Variants in PDE12 observed in about 807,000 individuals in gnomAD.
PDE12 encodes 2',5'-phosphodiesterase 12.
Under a neutral mutation model 45.4 loss-of-function variants are expected in PDE12, and 26 were observed. That is an observed-to-expected ratio of 0.57 (90% CI 0.42 to 0.79). The LOEUF (loss-of-function observed/expected upper bound fraction) is 0.79, where lower values mean the gene tolerates loss of function less well. Among genes scored for constraint, PDE12 ranks in the 30% least tolerant of loss-of-function variants. PDE12 has a pLI of 0.00. For synonymous variants in PDE12, 283 were observed against 323.9 expected (o/e 0.87, Z 1.36); for missense variants, 668 against 790.0 (o/e 0.85, Z 1.85).
At chr3:57,559,420 A>C (rs1167388115) in intron 2 of PDE12, 32 bp downstream of exon 2, 1 of 1,570,648 alleles carries the variant, frequency 6.4e-7, no homozygotes, top group South Asian at 1.1e-5. Context: ...AAGTGACTTA[A>C]ACACGCTTAA....
chr3:57,634,357 C>T, the PDE12 span, among the ~76,000 whole-genome samples: 2 of 150,098 alleles, frequency 1.3e-5, no homozygotes, highest in Admixed American at 6.7e-5. Flanking sequence ...CACTTGAACC[C>T]GGGAGGTGGA....
chr3:57,584,380 T>C, the PDE12 span: 1 of 1,598,526 alleles, frequency 6.3e-7, no homozygotes, highest in Non-Finnish European at 8.6e-7. Context: ...GTAAACTTTC[T>C]TACCAATGGT....
chr3:57,608,222 G>C, the PDE12 span, among the ~76,000 whole-genome samples: 2 of 152,034 alleles, frequency 1.3e-5, no homozygotes, highest in Non-Finnish European at 2.9e-5. Context: ...TGCCCTACAA[G>C]AGCTCCTGAA....
the PDE12 span, among the ~76,000 whole-genome samples, chr3:57,573,733 C>T: frequency 2.5e-3 from 386 of 151,988 alleles, 5 homozygotes; most frequent in African/African-American, 8.8e-3. Flanking sequence ...ACACATGCAC[C>T]ACCACGACCA....
the PDE12 span, among the ~76,000 whole-genome samples, chr3:57,609,983 C>T: frequency 2.0e-5 from 3 of 152,122 alleles, no homozygotes; most frequent in African/African-American, 7.2e-5. Context: ...CAAAAATTCT[C>T]AATAAAATAC....
At chr3:57,639,744 C>T in the PDE12 span, among the ~76,000 whole-genome samples, 1 of 152,030 alleles carries the variant, frequency 6.6e-6, no homozygotes, top group Non-Finnish European at 1.5e-5. Flanking sequence ...TATTAGCACA[C>T]AGTTCTGATT....
Position 57,557,743 on chromosome 3 carries a change from G to A in PDE12, c.1308+56G>A. 5 of 1,492,386 alleles carry A rather than the reference G, an allele frequency of 3.4e-6. 1 individual carries two copies. In the South Asian group the frequency reaches 6.0e-5, roughly 18 times the overall value. The allele number at this position is 1,492,386 out of a possible 1,614,324, so 92.4% of individuals were successfully genotyped here. ...CTGTCCCACTTTTAGGGGCCAGGAA[G>A]GCGAGGAATGAGGTGGGGGTTAAAA... On this transcript the variant is annotated intron_variant, in intron 1 of 2. Transcript: ENST00000311180.
chr3:57,599,097 T>C, the PDE12 span, among the ~76,000 whole-genome samples: 2 of 152,048 alleles, frequency 1.3e-5, no homozygotes, highest in African/African-American at 4.8e-5. Context: ...TAGGGAGAAA[T>C]GAGACATCAA....
At chr3:57,628,419 AC>A in the PDE12 span, 1 of 1,522,104 alleles carries the variant, frequency 6.6e-7, no homozygotes, top group South Asian at 1.3e-5. Context: ...CTCTAAATAA[AC>A]CATTTTAAAG....
chr3:57,577,730 A>G, the PDE12 span, among the ~76,000 whole-genome samples: 1 of 152,166 alleles, frequency 6.6e-6, no homozygotes, highest in South Asian at 2.1e-4. Context: ...AAGAAAAATA[A>G]CAAATCAAGG....
chr3:57,631,308 C>T, the PDE12 span: 2,067 of 199,444 alleles, frequency 0.01, 46 homozygotes, highest in African/African-American at 0.045. Context: ...GCGATTCTCC[C>T]GCCTCAGTCT....
the PDE12 span, among the ~76,000 whole-genome samples, chr3:57,600,528 A>G: frequency 7.0e-6 from 1 of 142,652 alleles, no homozygotes; most frequent in Non-Finnish European, 1.5e-5. Flanking sequence ...CCTCCCAAGT[A>G]GCTGGGACCA....
the PDE12 span, among the ~76,000 whole-genome samples, chr3:57,614,523 GTTTTTTTTTTTTTGTTTTTTGTTTT>G: frequency 1.5e-5 from 2 of 132,048 alleles, no homozygotes; most frequent in African/African-American, 5.7e-5. Flanking sequence ...CCTGTAATCC[GTTTTTTTTTTTTTGTTTTTTGTTTT>G]TTTTTTTTTT....
At chr3:57,625,640 T>TA in the PDE12 span, 791 of 146,308 alleles carry the variant, frequency 5.4e-3, 3 homozygotes, top group Non-Finnish European at 9.3e-3. Flanking sequence ...AAATTCTTCT[T>TA]AAAAAAAAAA....
chr3:57,650,912 G>A, the PDE12 span, among the ~76,000 whole-genome samples: 1 of 151,790 alleles, frequency 6.6e-6, no homozygotes, highest in East Asian at 1.9e-4. Context: ...AGCATCCAGA[G>A]TAGCTGGGAT....
chr3:57,650,119 G>A, the PDE12 span, among the ~76,000 whole-genome samples: 2 of 151,996 alleles, frequency 1.3e-5, no homozygotes, highest in Non-Finnish European at 2.9e-5. Context: ...ATGATACTAT[G>A]AACTTTGGGA....
In PDE12 at chr3:57,557,073, G is replaced by A. The variant is rs1230220575; in HGVS notation, c.694G>A (p.Glu232Lys). 2 of 1,613,910 alleles carry A rather than the reference G, an allele frequency of 1.2e-6. No homozygotes were observed. The highest frequency in any genetic ancestry group is 2.2e-5 in the East Asian group (1 of 44,862). The change falls in exon 1 of 3, where the codon GAG becomes AAG. Residue 232 changes from glutamate (E) to lysine (K), a missense_variant. By Grantham distance (56) the Glu-to-Lys change is moderately conservative. This residue lies in a region of PDE12 where 580 missense variants were observed against 662.9 expected (regional missense o/e 0.87). Transcript: ENST00000311180. ...SSSWTETDVE[E>K]RVYTPSNADI... ...TTCTTGGACTGAGACTGATGTGGAGGAGCGTGTCTACACCCCGTCCAATGC... is the reference window on the plus strand; with the variant it reads ...TTCTTGGACTGAGACTGATGTGGAGAAGCGTGTCTACACCCCGTCCAATGC...
At chr3:57,586,221 C>T in the PDE12 span, among the ~76,000 whole-genome samples, 1 of 152,092 alleles carries the variant, frequency 6.6e-6, no homozygotes, top group South Asian at 2.1e-4. Flanking sequence ...TATCTGGCCG[C>T]CTGGGTTTAT....
downstream of PDE12, among the ~76,000 whole-genome samples, chr3:57,570,047 A>G (rs931145307): frequency 2.6e-5 from 4 of 151,992 alleles, no homozygotes; most frequent in East Asian, 1.9e-4. Flanking sequence ...CAATTATACT[A>G]TAGTTCAGTT....
Sources: gnomAD v4.1 joint callset for allele counts (sites outside exome capture counted in the v4.1 genomes callset) on GRCh38, gnomAD v4.1.1 for gene constraint, gnomAD v4.1.1 regional missense constraint, MANE v1.5 for transcripts, NCBI Gene and HGNC (gene_info 2026-07-23, HGNC 2026-07-21) for gene names.